Variants in APPBP2 observed in about 807,000 individuals in gnomAD.
The protein encoded by APPBP2 is amyloid beta precursor protein binding protein 2.
Under a neutral mutation model 76.0 loss-of-function variants are expected in APPBP2, and 15 were observed. The observed-to-expected ratio is 0.20, with a 90% confidence interval of 0.13 to 0.30. APPBP2 has a LOEUF of 0.30. APPBP2 is among the 10% of genes least tolerant of loss of function. The pLI is 1.00. For synonymous variants in APPBP2, 222 were observed against 242.2 expected, an observed-to-expected ratio of 0.92 and a Z score of 0.77; for missense variants, 401 against 687.2, an observed-to-expected ratio of 0.58 and a Z score of 4.66.
intron 4 of APPBP2, among the ~76,000 whole-genome samples, chr17:60,470,016 CTTTT>C (rs879308852): frequency 6.8e-6 from 1 of 147,162 alleles, no homozygotes; most frequent in Admixed American, 6.8e-5. Flanking sequence ...TTTCCAATTT[CTTTT>C]TTTTTTTCAA....
chr17:60,525,954 T>A lies in APPBP2; in HGVS notation c.-23A>T. On this transcript the variant is annotated 5_prime_UTR_variant, in exon 1 of 13. Coordinates refer to ENST00000083182, the MANE Select transcript of APPBP2 (RefSeq NM_006380.5). ...CATCTTCCTTCCCTCCTCCTCCGCC[T>A]CCTCCGCCTCCTCCTCCCGAAGGCC... 3 of 1,561,716 alleles carry A rather than the reference T, an allele frequency of 1.9e-6. No homozygotes were observed. The highest frequency in any genetic ancestry group is 2.6e-6 in the Non-Finnish European group (3 of 1,151,916).
intron 1 of APPBP2, among the ~76,000 whole-genome samples, chr17:60,512,832 T>TAA (rs770075935): frequency 0.11 from 3,354 of 29,682 alleles, 145 homozygotes; most frequent in Non-Finnish European, 0.16. Context: ...AGACTCCATC[T>TAA]AAAAAAAAAA....
chr17:60,493,600 C>T (rs1665080980), intron 3 of APPBP2, among the ~76,000 whole-genome samples: 1 of 149,344 alleles, frequency 6.7e-6, no homozygotes. Context: ...TTCTAAAGTG[C>T]TAGAATTACA....
At chr17:60,492,604 C>CTA (rs1193865889) in intron 3 of APPBP2, among the ~76,000 whole-genome samples, 1 of 152,194 alleles carries the variant, frequency 6.6e-6, no homozygotes, top group East Asian at 1.9e-4. Context: ...TATGATTTGA[C>CTA]TACTCCACTG....
rs775474981 is a variant in APPBP2, at chr17:60,500,454, T to C, written c.172A>G (p.Ser58Gly). The change falls in exon 2 of 13, where the codon AGT becomes GGT. Residue 58 changes from serine (S) to glycine (G), a missense_variant. Ser to Gly is a moderately conservative substitution (Grantham distance 56). Coordinates refer to ENST00000083182, the MANE Select transcript of APPBP2 (RefSeq NM_006380.5). ...AAAACTTCCAATTCACAAAATTCAC[T>C]GCCCAGTTGACATAAGCGTCCCTGT... ...YQQGRLCQLG[S>G]EFCELEVFAK... 3.1e-6 allele frequency: 5 copies of C among 1,611,116 alleles called. No individual in the cohort carries two copies.
chr17:60,457,746 A>G (rs74480432), intron 9 of APPBP2, among the ~76,000 whole-genome samples: 2,380 of 152,310 alleles, frequency 0.016, 65 homozygotes, highest in African/African-American at 0.053. Context: ...CTGAGTTTTA[A>G]TGTCAATGAC....
intron 1 of APPBP2, among the ~76,000 whole-genome samples, chr17:60,512,569 G>C (rs1024018218): frequency 1.3e-5 from 2 of 151,658 alleles, no homozygotes; most frequent in African/African-American, 4.8e-5. Context: ...GGGTGCGGTG[G>C]CTCACACCTG....
chr17:60,511,847 G>A (rs2090916098), intron 1 of APPBP2, among the ~76,000 whole-genome samples: 1 of 151,678 alleles, frequency 6.6e-6, no homozygotes, highest in Non-Finnish European at 1.5e-5. Flanking sequence ...TTTTGAATAT[G>A]CTTAATAAAC....
At chr17:60,493,383 A>G (rs1405354148) in intron 3 of APPBP2, among the ~76,000 whole-genome samples, 1 of 152,242 alleles carries the variant, frequency 6.6e-6, no homozygotes. Flanking sequence ...CCTGAAACAC[A>G]CATCTAAACA....
intron 1 of APPBP2, among the ~76,000 whole-genome samples, chr17:60,517,977 G>T (rs1422540506): frequency 6.6e-6 from 1 of 151,624 alleles, no homozygotes; most frequent in Non-Finnish European, 1.5e-5. Flanking sequence ...AAACTGATTA[G>T]TATTAGATCT....
chr17:60,459,489 C>T (rs999472950), intron 9 of APPBP2: 30 of 116,102 alleles, frequency 2.6e-4, no homozygotes, highest in African/African-American at 9.7e-4. Context: ...GTTGTAGTCC[C>T]TTTTTTTTTT....
intron 1 of APPBP2, among the ~76,000 whole-genome samples, chr17:60,525,263 A>G (rs1274923718): frequency 2.0e-5 from 3 of 152,244 alleles, no homozygotes; most frequent in African/African-American, 7.2e-5. Context: ...AAACACACAG[A>G]TTATTTCCAA....
At chr17:60,461,737 T>C in intron 8 of APPBP2, 73 bp downstream of exon 8, 1 of 1,151,208 alleles carries the variant, frequency 8.7e-7, no homozygotes, top group South Asian at 1.5e-5. Context: ...TAGAGTGGTT[T>C]ATACACCACA....
At chr17:60,523,502 A>G (rs984194162) in intron 1 of APPBP2, among the ~76,000 whole-genome samples, 2 of 152,024 alleles carry the variant, frequency 1.3e-5, no homozygotes, top group African/African-American at 4.8e-5. Context: ...CTCCACAAAA[A>G]AAGTTTCTTA....
chr17:60,482,255 TAAAC>T (rs2090635883), intron 3 of APPBP2, among the ~76,000 whole-genome samples: 1 of 152,184 alleles, frequency 6.6e-6, no homozygotes, highest in African/African-American at 2.4e-5. Context: ...TAAATACTTA[TAAAC>T]AAGAAATAAA....
At chr17:60,485,354 C>G (rs1234446083) in intron 3 of APPBP2, among the ~76,000 whole-genome samples, 1 of 152,080 alleles carries the variant, frequency 6.6e-6, no homozygotes, top group Non-Finnish European at 1.5e-5. Context: ...GGTTGGTAGG[C>G]TATTAATTAT....
intron 2 of APPBP2, among the ~76,000 whole-genome samples, chr17:60,497,040 T>G (rs1232279736): frequency 6.6e-6 from 1 of 152,196 alleles, no homozygotes; most frequent in East Asian, 1.9e-4. Flanking sequence ...GTTTATTATC[T>G]TATCATCTCT....
At chr17:60,478,423 A>G (rs535427019) in intron 4 of APPBP2, among the ~76,000 whole-genome samples, 3 of 152,354 alleles carry the variant, frequency 2.0e-5, no homozygotes, top group East Asian at 3.9e-4. Flanking sequence ...AAAGTTATTC[A>G]TAAGTAAAGC....
intron 4 of APPBP2, among the ~76,000 whole-genome samples, chr17:60,475,648 T>TACACACAC (rs72415327): frequency 0.013 from 1,620 of 129,198 alleles, 25 homozygotes; most frequent in African/African-American, 0.032. Flanking sequence ...CAACTCTTTA[T>TACACACAC]ACACACACAC....
Sources: gnomAD v4.1 joint callset for allele counts (sites outside exome capture counted in the v4.1 genomes callset) on GRCh38, gnomAD v4.1.1 for gene constraint, MANE v1.5 for transcripts, NCBI Gene and HGNC (gene_info 2026-07-23, HGNC 2026-07-21) for gene names.